PDE11A: variants seen among roughly 807,000 people sequenced by gnomAD.
PDE11A encodes dual 3',5'-cyclic-AMP and -GMP phosphodiesterase 11A.
Under a neutral mutation model 100.5 loss-of-function variants are expected in PDE11A, and 100 were observed. That is an observed-to-expected ratio of 1.00 (90% confidence interval 0.85 to 1.18). PDE11A has a LOEUF of 1.18. Among genes scored for constraint, PDE11A ranks in the 50% most tolerant of loss-of-function variants. PDE11A has a pLI of 0.00. For synonymous variants in PDE11A, 381 were observed against 420.8 expected, an observed-to-expected ratio of 0.91 and a Z score of 1.16; for missense variants, 1,141 against 1,152.6, an observed-to-expected ratio of 0.99 and a Z score of 0.15.
At chr2:177,851,433 C>T (rs1348087857) in intron 5 of PDE11A, among the ~76,000 whole-genome samples, 4 of 151,836 alleles carry the variant, frequency 2.6e-5, no homozygotes, top group African/African-American at 9.7e-5. Flanking sequence ...ATACCTAATG[C>T]TAAATTACGA....
rs2086438383 is a variant in PDE11A, at chr2:178,023,402, A to C, written c.913-8942T>G. Among the ~76,000 whole-genome samples the C allele has an allele frequency of 2.0e-5, 3 of 152,192 alleles. No individual in the cohort carries two copies. The South Asian group carries it at 6.2e-4, about 31-fold the overall frequency. On this transcript the variant is annotated intron_variant, in intron 1 of 19. Coordinates refer to ENST00000286063, the MANE Select transcript of PDE11A (RefSeq NM_016953.4). Reference sequence around the variant, plus strand: ...TCTACTTTCTCAGAGAAATCACTGGAGGCTCCCTAAGGCAAGATTCAGAGT... The same window carrying C: ...TCTACTTTCTCAGAGAAATCACTGGCGGCTCCCTAAGGCAAGATTCAGAGT...
At chr2:178,104,550 A>G in intron 1 of PDE11A, 1 of 1,295,796 alleles carries the variant, frequency 7.7e-7, no homozygotes, top group South Asian at 1.3e-5. Flanking sequence ...AGAAAAAAGA[A>G]TTCCATCATT....
rs1420795125 is a variant in PDE11A at position 177,627,894 on chromosome 2, T to C, written c.*1513A>G. On this transcript the variant is annotated 3_prime_UTR_variant, in exon 20 of 20. Coordinates refer to ENST00000286063, the MANE Select transcript of PDE11A (RefSeq NM_016953.4). ...ACAAAAACAATAACAAGAAAAATGG[T>C]TTGTAAATTTCAGATTTTTTTAAGA... 6.6e-6 allele frequency: 1 copy of C among 151,892 alleles called. No individual in the cohort carries two copies. Among genetic ancestry groups the C allele is most frequent in the African/African-American group, 2.4e-5 (1 of 41,326 alleles). 9.4% of individuals were successfully genotyped at this position (151,892 alleles called of 1,614,324 possible).
chr2:177,958,924 C>T (rs78062376), intron 2 of PDE11A, among the ~76,000 whole-genome samples: 24,056 of 152,048 alleles, frequency 0.16, 1,972 homozygotes, highest in Middle Eastern at 0.27. Context: ...TTTTACATTC[C>T]AGGTACTGTG....
At chr2:177,802,591 A>G (rs2082809863) in intron 9 of PDE11A, among the ~76,000 whole-genome samples, 1 of 152,036 alleles carries the variant, frequency 6.6e-6, no homozygotes, top group Non-Finnish European at 1.5e-5. Flanking sequence ...AAGAAGCCTT[A>G]CCTAAAAGAG....
At chr2:177,652,359 G>C (rs919926911) in intron 19 of PDE11A, among the ~76,000 whole-genome samples, 4 of 152,196 alleles carry the variant, frequency 2.6e-5, no homozygotes, top group African/African-American at 9.7e-5. Flanking sequence ...GTTGCATGGG[G>C]AGAGGAGGGG....
At chr2:177,973,115 T>A (rs2085793780) in intron 2 of PDE11A, among the ~76,000 whole-genome samples, 1 of 151,650 alleles carries the variant, frequency 6.6e-6, no homozygotes, top group Non-Finnish European at 1.5e-5. Flanking sequence ...AGCTCCGGTC[T>A]ACAGCTCCCA....
chr2:177,876,553 T>C (rs1475490348), intron 4 of PDE11A, among the ~76,000 whole-genome samples: 3 of 148,550 alleles, frequency 2.0e-5, no homozygotes, highest in Non-Finnish European at 4.5e-5. Flanking sequence ...ATGTAGTTTT[T>C]CTTATTATTA....
intron 9 of PDE11A, among the ~76,000 whole-genome samples, chr2:177,805,649 C>T (rs1404099544): frequency 6.6e-6 from 1 of 152,010 alleles, no homozygotes; most frequent in Non-Finnish European, 1.5e-5. Flanking sequence ...ATTAACAATT[C>T]AAGGAGAGGG....
intron 2 of PDE11A, among the ~76,000 whole-genome samples, chr2:177,939,919 C>A (rs13425796): frequency 0.023 from 3,477 of 152,222 alleles, 113 homozygotes; most frequent in African/African-American, 0.08. Flanking sequence ...TTGTTCTGAA[C>A]AAATAAACTT....
chr2:177,862,089 GCTT>G (rs1417669464), intron 5 of PDE11A, among the ~76,000 whole-genome samples: 2 of 151,822 alleles, frequency 1.3e-5, no homozygotes, highest in Non-Finnish European at 2.9e-5. Flanking sequence ...AAACTTTTGT[GCTT>G]CAATAGACAC....
At chr2:177,747,422 G>A (rs541967428) in intron 10 of PDE11A, among the ~76,000 whole-genome samples, 156 of 152,286 alleles carry the variant, frequency 1.0e-3, no homozygotes, top group African/African-American at 3.8e-3. Flanking sequence ...CAGCCTCCGT[G>A]CACCTCAAGT....
At chr2:177,997,669 T>C in intron 2 of PDE11A, 9 of 1,549,778 alleles carry the variant, frequency 5.8e-6, no homozygotes, top group Non-Finnish European at 8.0e-6. Flanking sequence ...TTTGAGTTTT[T>C]CTGCATTCAG....
intron 9 of PDE11A, chr2:177,797,343 C>T (rs1323077006): frequency 4.6e-5 from 7 of 152,188 alleles, no homozygotes; most frequent in Non-Finnish European, 8.8e-5. Context: ...ATGCAAGCCA[C>T]AAAACCTCTC....
chr2:177,691,280 T>A (rs1479348180), intron 15 of PDE11A, among the ~76,000 whole-genome samples: 1 of 152,174 alleles, frequency 6.6e-6, no homozygotes, highest in Non-Finnish European at 1.5e-5. Context: ...GTGCACCAAC[T>A]TAGCTCAACT....
At chr2:177,988,809 G>T (rs1324156967) in intron 2 of PDE11A, among the ~76,000 whole-genome samples, 1 of 152,228 alleles carries the variant, frequency 6.6e-6, no homozygotes, top group Non-Finnish European at 1.5e-5. Context: ...GCTGTGGAAA[G>T]CCTGGTCATA....
At chr2:177,906,023 T>C (rs1251448514) in intron 2 of PDE11A, among the ~76,000 whole-genome samples, 1 of 152,200 alleles carries the variant, frequency 6.6e-6, no homozygotes, top group African/African-American at 2.4e-5. Context: ...AGAGATAGAA[T>C]GCTCCAAGTA....
chr2:177,916,920 C>T (rs2084962067), intron 2 of PDE11A, among the ~76,000 whole-genome samples: 1 of 138,272 alleles, frequency 7.2e-6, no homozygotes, highest in African/African-American at 2.9e-5. Context: ...GCCACCACGC[C>T]CGGCTAATTT....
intron 10 of PDE11A, among the ~76,000 whole-genome samples, chr2:177,735,973 G>C (rs193086027): frequency 6.6e-6 from 1 of 152,278 alleles, no homozygotes; most frequent in Non-Finnish European, 1.5e-5. Context: ...TTTTCGTATG[G>C]GAAAGCAATT....
Sources: allele counts gnomAD v4.1 joint callset (sites outside exome capture counted in the v4.1 genomes callset), GRCh38; gene constraint gnomAD v4.1.1; transcripts MANE v1.5; gene names NCBI Gene and HGNC (gene_info 2026-07-23, HGNC 2026-07-21).